Variants in ZPLD1 observed in about 807,000 individuals in gnomAD.
The protein encoded by ZPLD1 is zona pellucida like domain containing 1.
ZPLD1 carries 34 observed loss-of-function variants against 47.2 expected under a neutral mutation model. The ratio of observed to expected loss-of-function variants is 0.72; its 90% CI spans 0.55 to 0.96. The LOEUF (loss-of-function observed/expected upper bound fraction) is 0.96. Ranked by LOEUF, ZPLD1 falls within the 40% of genes least tolerant of loss-of-function variation. The pLI is 0.00. For synonymous variants in ZPLD1, 176 were observed against 186.2 expected (o/e 0.95, Z 0.45); for missense variants, 512 against 505.8 (o/e 1.01, Z -0.12).
chr3:102,426,915 T>C (rs1706955311), intron 8 of ZPLD1, among the ~76,000 whole-genome samples: 1 of 152,172 alleles, frequency 6.6e-6, no homozygotes, highest in African/African-American at 2.4e-5. Flanking sequence ...TTATATTACT[T>C]ATGGCAATAA....
At chr3:102,437,857 T>C (rs1416011667) in intron 2 of ZPLD1, among the ~76,000 whole-genome samples, 1 of 152,242 alleles carries the variant, frequency 6.6e-6, no homozygotes, top group Non-Finnish European at 1.5e-5. Flanking sequence ...AACTGCAATG[T>C]TGTTCACACA....
intron 7 of ZPLD1, among the ~76,000 whole-genome samples, chr3:102,417,224 G>A (rs1342398155): frequency 1.3e-5 from 2 of 151,950 alleles, no homozygotes; most frequent in East Asian, 3.9e-4. Context: ...ATTATTAAAT[G>A]GCAGACGGAG....
intron 2 of ZPLD1, among the ~76,000 whole-genome samples, chr3:102,437,457 A>G (rs1368197538): frequency 6.6e-6 from 1 of 152,226 alleles, no homozygotes; most frequent in Non-Finnish European, 1.5e-5. Context: ...GGACAGCTAA[A>G]ACACCATTTT....
At chr3:102,436,411 T>A (rs1274057281) in intron 1 of ZPLD1, among the ~76,000 whole-genome samples, 1 of 152,174 alleles carries the variant, frequency 6.6e-6, no homozygotes, top group East Asian at 1.9e-4. Flanking sequence ...ATTAATTACA[T>A]CAAAATTGTT....
intron 8 of ZPLD1, among the ~76,000 whole-genome samples, chr3:102,418,721 A>G (rs1354026197): frequency 2.0e-5 from 3 of 152,022 alleles, no homozygotes; most frequent in African/African-American, 4.8e-5. Flanking sequence ...AGCTGGCTAG[A>G]TATGTGTGGC....
Position 102,469,138 on chromosome 3 carries a change from A to C in ZPLD1, c.933+3A>C, listed in dbSNP as rs751315142. On this transcript the variant is annotated splice_donor_region_variant and intron_variant, in intron 9 of 11. Transcript: ENST00000466937. The stretch of plus-strand genomic sequence containing the variant: ...ATGACTGCCCCTTCCTTATGCCGGT[A>C]TGTTTTTAAGGAACTTCATTTTAAG... 20 of 1,605,646 alleles carry C rather than the reference A, an allele frequency of 1.2e-5. No homozygotes were observed. The highest frequency in any genetic ancestry group is 1.5e-5 in the Non-Finnish European group (18 of 1,177,286).
At chr3:102,476,383 T>C (rs562262411) in intron 10 of ZPLD1, among the ~76,000 whole-genome samples, 29 of 152,286 alleles carry the variant, frequency 1.9e-4, no homozygotes, top group African/African-American at 6.7e-4. Flanking sequence ...GCATCTATTA[T>C]TGTGTTTGGC....
chr3:102,428,074 A>G (rs566889993), intron 8 of ZPLD1, among the ~76,000 whole-genome samples: 167 of 152,266 alleles, frequency 1.1e-3, no homozygotes, highest in African/African-American at 3.8e-3. Context: ...TTATTAACAA[A>G]CTCAACTATA....
chr3:102,427,773 T>G (rs1706965357), intron 8 of ZPLD1, among the ~76,000 whole-genome samples: 1 of 152,198 alleles, frequency 6.6e-6, no homozygotes, highest in East Asian at 1.9e-4. Context: ...GTGGCATAAA[T>G]GACATGTTAC....
At chr3:102,424,726 AAC>A (rs1190080121) in intron 8 of ZPLD1, among the ~76,000 whole-genome samples, 1 of 152,178 alleles carries the variant, frequency 6.6e-6, no homozygotes, top group Non-Finnish European at 1.5e-5. Flanking sequence ...ATGCATACAA[AAC>A]ACATATACAT....
At chr3:102,406,989 A>G (rs559165290) in intron 7 of ZPLD1, among the ~76,000 whole-genome samples, 2 of 151,888 alleles carry the variant, frequency 1.3e-5, no homozygotes, top group Non-Finnish European at 2.9e-5. Context: ...GTGATTACAT[A>G]TCCAAGTGGA....
intron 6 of ZPLD1, among the ~76,000 whole-genome samples, chr3:102,391,355 C>A (rs1366861351): frequency 6.6e-6 from 1 of 152,144 alleles, no homozygotes; most frequent in Non-Finnish European, 1.5e-5. Context: ...ATTGCCACAA[C>A]AATGTCTCCC....
At chr3:102,468,245 A>T (rs1264754083) in intron 8 of ZPLD1, among the ~76,000 whole-genome samples, 2 of 152,188 alleles carry the variant, frequency 1.3e-5, no homozygotes, top group African/African-American at 4.8e-5. Flanking sequence ...AATAATATTT[A>T]TATAGGGCAA....
intron 6 of ZPLD1, among the ~76,000 whole-genome samples, chr3:102,390,297 C>T (rs767827355): frequency 1.3e-5 from 2 of 152,164 alleles, no homozygotes; most frequent in African/African-American, 2.4e-5. Context: ...TACCCCCAAC[C>T]GGATTTCTAC....
chr3:102,461,612 T>C (rs1270479339), intron 6 of ZPLD1, among the ~76,000 whole-genome samples: 1 of 152,044 alleles, frequency 6.6e-6, no homozygotes, highest in Non-Finnish European at 1.5e-5. Context: ...AAAAATGTAA[T>C]GAGTAAATGT....
chr3:102,469,719 A>C (rs1236200778), intron 9 of ZPLD1, among the ~76,000 whole-genome samples: 1 of 152,182 alleles, frequency 6.6e-6, no homozygotes, highest in African/African-American at 2.4e-5. Flanking sequence ...GGTGCTGGAA[A>C]GGTAGATTGT....
At chr3:102,442,980 A>G (rs77792537) in intron 3 of ZPLD1, among the ~76,000 whole-genome samples, 21,854 of 152,182 alleles carry the variant, frequency 0.14, 2,062 homozygotes, top group Middle Eastern at 0.24. Flanking sequence ...AATTTAGAGT[A>G]CCAAGGAATT....
chr3:102,436,784 T>C (rs983059579), intron 1 of ZPLD1, 76 bp from the exon 2 acceptor site: 2 of 621,750 alleles, frequency 3.2e-6, no homozygotes, highest in African/African-American at 2.0e-5. Flanking sequence ...CTGTGAAAAA[T>C]ATATGTTAGC....
intron 7 of ZPLD1, among the ~76,000 whole-genome samples, chr3:102,408,384 C>T (rs564039502): frequency 7.9e-5 from 12 of 151,982 alleles, no homozygotes; most frequent in East Asian, 1.9e-4. Context: ...CTGGATCACA[C>T]GCCCATCCTC....
Sources: gnomAD v4.1 joint callset for allele counts (sites outside exome capture counted in the v4.1 genomes callset) on GRCh38, gnomAD v4.1.1 for gene constraint, MANE v1.5 for transcripts, NCBI Gene and HGNC (gene_info 2026-07-23, HGNC 2026-07-21) for gene names.